The following PLEKHM2 variants were observed in gnomAD, a reference collection of about 807,000 sequenced individuals.
The protein encoded by PLEKHM2 is pleckstrin homology and RUN domain containing M2.
Under a neutral mutation model 116.3 loss-of-function variants are expected in PLEKHM2, and 77 were observed. That is an observed-to-expected ratio of 0.66 (90% confidence interval 0.55 to 0.80). The LOEUF is 0.80. Ranked by LOEUF, PLEKHM2 falls within the 30% of genes least tolerant of loss-of-function variation. The pLI is 0.00. For synonymous variants in PLEKHM2, 562 were observed against 571.0 expected (o/e 0.98, Z 0.22); for missense variants, 1,183 against 1,354.9 (o/e 0.87, Z 1.99).
In PLEKHM2 at chr1:15,727,971, T is replaced by G. The variant is rs865830787; in HGVS notation, c.1761-108T>G. ...GGGTGTGAGCCTCCCTCCCTAACTT[T>G]GGCTCCTAGTGGGAGGCGGAGGCAC... On this transcript the variant is annotated intron_variant, in intron 9 of 19. Transcript: ENST00000375799. The surrounding 1 kb of genome is among the most constrained non-coding windows in gnomAD (Gnocchi z 7.5). The G allele has an allele frequency of 2.5e-6, 3 of 1,191,826 alleles. No homozygotes were observed. The highest frequency in any genetic ancestry group is 1.5e-5 in the African/African-American group (1 of 66,150). 73.8% of individuals were successfully genotyped at this position (1,191,826 alleles called of 1,614,324 possible).
Position 15,729,013 on chromosome 1 carries a change from C to T in PLEKHM2, c.1987-89C>T, listed in dbSNP as rs937575689. 1 of 1,245,042 alleles carries T rather than the reference C, an allele frequency of 8.0e-7. No individual in the cohort carries two copies. Among genetic ancestry groups the T allele is most frequent in the Non-Finnish European group, 1.1e-6 (1 of 871,072 alleles). 77.1% of individuals were successfully genotyped at this position (1,245,042 alleles called of 1,614,324 possible). ...GGTGGCCCGGGGTGTGCTTCTTCCT[C>T]CCCAGCAAGCGCTCAGCCTGGCCAA... is the stretch of plus-strand genomic sequence containing the variant. On this transcript the variant is annotated intron_variant, in intron 12 of 19. Coordinates refer to ENST00000375799, the MANE Select transcript of PLEKHM2 (RefSeq NM_015164.4). The surrounding 1 kb of genome is among the most constrained non-coding windows in gnomAD (Gnocchi z 4.7).
chr1:15,685,642 A>G (rs1294715074), intron 1 of PLEKHM2, among the ~76,000 whole-genome samples: 1 of 152,044 alleles, frequency 6.6e-6, no homozygotes, highest in African/African-American at 2.4e-5. Flanking sequence ...AGCAAAATGG[A>G]TAGAATTAAT....
chr1:15,696,998 G>A (rs1442384922), intron 1 of PLEKHM2, among the ~76,000 whole-genome samples: 3 of 152,166 alleles, frequency 2.0e-5, no homozygotes. Flanking sequence ...GTGACAGAGT[G>A]AGCATTTCCC....
rs931778771 is a variant in PLEKHM2, at chr1:15,720,339, G to C, written c.652+419G>C. The C allele has an allele frequency of 1.5e-5, 15 of 985,070 alleles. No homozygotes were observed. The Admixed American group carries it at 9.2e-4, about 61-fold the overall frequency. 61.0% of individuals were successfully genotyped at this position (985,070 alleles called of 1,614,324 possible). On this transcript the variant is annotated intron_variant, in intron 6 of 19. Transcript: ENST00000375799. ...GAAGGAGGTTAAGCAACCCCTAGAA[G>C]AAGAGAGAACCAGGCAGGTCTGAAG...
rs58934240 is a variant in PLEKHM2, at chr1:15,720,146, AT to A, written c.652+227del. On this transcript the variant is annotated intron_variant, in intron 6 of 19. Transcript: ENST00000375799. ...GCTGAAATTATATATATATATATAT[AT>A]ATAAAATATATATTTTTTAAGGTTA... Among the ~76,000 whole-genome samples, 19,078 of 147,858 alleles carry A rather than the reference AT, an allele frequency of 0.13. 2,042 individuals carry two copies. Among genetic ancestry groups the A allele is most frequent in the African/African-American group, 0.29 (11,773 of 40,308 alleles).
At chr1:15,717,400 T>C (rs1641467122) in intron 3 of PLEKHM2, among the ~76,000 whole-genome samples, 1 of 151,772 alleles carries the variant, frequency 6.6e-6, no homozygotes, top group South Asian at 2.1e-4. Context: ...GGTGACAGAG[T>C]CTCTGTCTCA....
At chr1:15,723,800 C>T (rs1420475776) in intron 7 of PLEKHM2, among the ~76,000 whole-genome samples, 3 of 151,708 alleles carry the variant, frequency 2.0e-5, no homozygotes, top group Admixed American at 6.6e-5. Context: ...AGACAGCTGC[C>T]CTGTGGCTTC....
At position 15,729,203 on chromosome 1, in the gene PLEKHM2, C is replaced by T; in HGVS notation, c.2075+13C>T. 6.3e-7 allele frequency: 1 copy of T among 1,598,664 alleles called. No homozygotes were observed. The highest frequency in any genetic ancestry group is 8.5e-7 in the Non-Finnish European group (1 of 1,171,856). On this transcript the variant is annotated intron_variant, in intron 13 of 19. Coordinates refer to ENST00000375799, the MANE Select transcript of PLEKHM2 (RefSeq NM_015164.4). This position sits in a 1 kb window ranked among gnomAD's most constrained non-coding sequence, Gnocchi z 4.7. ...TGGCGCTGGCTGAGTGAGTGGCAAC[C>T]CCGCCCCTCTGGAAGGATTGGAGAG...
chr1:15,699,786 T>A (rs1001119331), intron 1 of PLEKHM2, among the ~76,000 whole-genome samples: 102 of 152,010 alleles, frequency 6.7e-4, no homozygotes, highest in African/African-American at 2.3e-3. Context: ...ATAGTGAGAC[T>A]CCATCTCTAT....
Position 15,729,501 on chromosome 1 carries a change from TGTC to T in PLEKHM2, c.2076-293_2076-291del, listed in dbSNP as rs1344031882. 6.6e-6 allele frequency among the ~76,000 whole-genome samples: 1 copy of T among 152,160 alleles called. No individual in the cohort carries two copies. Reference sequence around the variant, plus strand: ...GCGTGCCCTTGAACGCCTGCATCCTTGTCGTGGCTCAAGGTCCCACCCGTTGAC... The same window carrying T: ...GCGTGCCCTTGAACGCCTGCATCCTTGTGGCTCAAGGTCCCACCCGTTGAC... On this transcript the variant is annotated intron_variant, in intron 13 of 19. Transcript: ENST00000375799. The surrounding 1 kb of genome is among the most constrained non-coding windows in gnomAD (Gnocchi z 4.7).
At chr1:15,691,511 T>A (rs1210069352) in intron 1 of PLEKHM2, among the ~76,000 whole-genome samples, 1 of 152,230 alleles carries the variant, frequency 6.6e-6, no homozygotes, top group Non-Finnish European at 1.5e-5. Context: ...ATCTCTCAGT[T>A]CCTGGGTCCT....
intron 1 of PLEKHM2, among the ~76,000 whole-genome samples, chr1:15,700,291 A>G (rs1641084904): frequency 6.6e-6 from 1 of 152,024 alleles, no homozygotes; most frequent in Non-Finnish European, 1.5e-5. Flanking sequence ...CCAGGCTCGG[A>G]TGAGCACTTC....
intron 1 of PLEKHM2, among the ~76,000 whole-genome samples, chr1:15,711,906 G>T (rs1641339238): frequency 6.6e-6 from 1 of 151,790 alleles, no homozygotes. Context: ...ATCATCTGAG[G>T]TTGGGAGTTC....
chr1:15,730,513 G>C lies in PLEKHM2; in HGVS notation c.2209-19G>C. 6.5e-7 allele frequency: 1 copy of C among 1,528,706 alleles called. No homozygotes were observed. The allele number at this position is 1,528,706 out of a possible 1,614,324, so 94.7% of individuals were successfully genotyped here. A position where few individuals can be genotyped will look rare whatever the true frequency, so the allele number is the denominator to read the frequency against. On this transcript the variant is annotated intron_variant, in intron 14 of 19. Coordinates refer to ENST00000375799, the MANE Select transcript of PLEKHM2 (RefSeq NM_015164.4). ...CCAGGCCTTACTTGCTTTGTCCCCC[G>C]TGCCCGCCCCCGCATCAGGCATCTG...
At chr1:15,704,519 G>C (rs982531993) in intron 1 of PLEKHM2, among the ~76,000 whole-genome samples, 1 of 152,116 alleles carries the variant, frequency 6.6e-6, no homozygotes, top group South Asian at 2.1e-4. Flanking sequence ...TAAAAAATGA[G>C]GATTCTTTTC....
chr1:15,706,416 A>G (rs909372665), intron 1 of PLEKHM2, among the ~76,000 whole-genome samples: 2 of 151,330 alleles, frequency 1.3e-5, no homozygotes, highest in African/African-American at 4.9e-5. Flanking sequence ...TTTTATTATT[A>G]TTTTTTGAGT....
At chr1:15,682,365 C>T (rs543163368), upstream of PLEKHM2, among the ~76,000 whole-genome samples, 5 of 151,328 alleles carry the variant, frequency 3.3e-5, no homozygotes, top group East Asian at 7.8e-4. Flanking sequence ...ACAGGAGAAT[C>T]ACTTGAACCT....
chr1:15,702,717 CTTT>C (rs34226783), intron 1 of PLEKHM2, among the ~76,000 whole-genome samples: 1 of 89,918 alleles, frequency 1.1e-5, no homozygotes, highest in Non-Finnish European at 2.1e-5. Flanking sequence ...CGTGCCCAGC[CTTT>C]TTTTTTTTTT....
Position 15,730,675 on chromosome 1 carries a change from C to T in PLEKHM2, c.2352C>T (p.Thr784=). Residue 784 remains threonine (T), a synonymous_variant, in exon 15 of 20, where the codon ACC becomes ACT. Coordinates refer to ENST00000375799, the MANE Select transcript of PLEKHM2 (RefSeq NM_015164.4). The stretch of plus-strand genomic sequence containing the variant: ...GCATGCTGCACTACAAGGCGGGCAC[C>T]TCCTACCTGGGCAAGGAACACTGGA... ...KEGMLHYKAG[T]SYLGKEHWKT... is the part of the protein sequence containing the mutation. 1.2e-6 allele frequency: 2 copies of T among 1,609,610 alleles called. No homozygotes were observed. The highest frequency in any genetic ancestry group is 1.1e-5 in the South Asian group (1 of 90,118).
Sources: allele counts gnomAD v4.1 joint callset (sites outside exome capture counted in the v4.1 genomes callset), GRCh38; gene constraint gnomAD v4.1.1; non-coding constraint Gnocchi (gnomAD v3.1); transcripts MANE v1.5; gene names NCBI Gene and HGNC (gene_info 2026-07-23, HGNC 2026-07-21).